The following LAMA2 variants were observed in gnomAD, a reference collection of about 807,000 sequenced individuals.
LAMA2 encodes laminin subunit alpha 2.
A neutral mutation model predicts 364.8 loss-of-function variants in LAMA2; 269 were observed. That is an observed-to-expected ratio of 0.74 (90% CI 0.67 to 0.82). LAMA2 has a LOEUF of 0.82. Ranked by LOEUF, LAMA2 falls within the 40% of genes least tolerant of loss-of-function variation. The pLI, the probability that LAMA2 is intolerant of heterozygous loss-of-function variation, is 0.00. For synonymous variants in LAMA2, 1,379 were observed against 1,370.6 expected, an observed-to-expected ratio of 1.01 and a Z score of -0.14; for missense variants, 3,807 against 3,873.2, an observed-to-expected ratio of 0.98 and a Z score of 0.45.
chr6:129,243,323 T>C (rs1447677701), intron 12 of LAMA2, among the ~76,000 whole-genome samples: 3 of 152,136 alleles, frequency 2.0e-5, no homozygotes, highest in Admixed American at 1.3e-4. Flanking sequence ...GAGAAATTCA[T>C]GTTGGCCTCT....
At chr6:129,158,902 A>T in intron 8 of LAMA2, 2 of 1,608,272 alleles carry the variant, frequency 1.2e-6, no homozygotes, top group Non-Finnish European at 1.7e-6. Context: ...TGCATGTGTT[A>T]TTAATAGCAT....
intron 10 of LAMA2, among the ~76,000 whole-genome samples, chr6:129,184,468 C>T (rs902667592): frequency 1.3e-5 from 2 of 151,868 alleles, no homozygotes; most frequent in Non-Finnish European, 2.9e-5. Context: ...TTTGATGAGG[C>T]CTCATCGTTG....
At chr6:129,044,083 G>A (rs1453551619) in intron 1 of LAMA2, among the ~76,000 whole-genome samples, 1 of 152,024 alleles carries the variant, frequency 6.6e-6, no homozygotes, top group Non-Finnish European at 1.5e-5. Context: ...CCATTCTGGA[G>A]CTCATCCAGT....
At chr6:129,499,166 C>T (rs1360528041) in intron 58 of LAMA2, among the ~76,000 whole-genome samples, 1 of 152,154 alleles carries the variant, frequency 6.6e-6, no homozygotes, top group African/African-American at 2.4e-5. Flanking sequence ...TTTCATATCC[C>T]ATTTTCCCCA....
At chr6:129,042,967 A>G (rs761329352) in intron 1 of LAMA2, among the ~76,000 whole-genome samples, 22 of 152,164 alleles carry the variant, frequency 1.4e-4, no homozygotes, top group Non-Finnish European at 2.8e-4. Context: ...AAAAACTTCT[A>G]TGAACATTTT....
At chr6:129,294,280 A>ATTCCTCTTG (rs1789933751) in intron 20 of LAMA2, among the ~76,000 whole-genome samples, 2 of 152,198 alleles carry the variant, frequency 1.3e-5, no homozygotes, top group Non-Finnish European at 2.9e-5. Context: ...AGCCTGAGAG[A>ATTCCTCTTG]AGGATACTCT....
chr6:128,902,693 T>TTAA (rs1777164949), intron 1 of LAMA2, among the ~76,000 whole-genome samples: 2 of 152,108 alleles, frequency 1.3e-5, no homozygotes, highest in Admixed American at 1.3e-4. Flanking sequence ...TTGTTGTTGT[T>TTAA]TTTAGAGACA....
chr6:129,079,141 A>G (rs1407956631), intron 3 of LAMA2, among the ~76,000 whole-genome samples: 3 of 152,136 alleles, frequency 2.0e-5, no homozygotes, highest in Non-Finnish European at 4.4e-5. Flanking sequence ...ATGGGCTTCA[A>G]TCTTTAAGGT....
chr6:129,413,183 A>AT (rs988214580), intron 40 of LAMA2, among the ~76,000 whole-genome samples: 3 of 152,098 alleles, frequency 2.0e-5, no homozygotes, highest in African/African-American at 7.2e-5. Context: ...AAAGACTTTA[A>AT]TTTTTTTAAA....
At chr6:129,134,099 C>T (rs987304112) in intron 4 of LAMA2, among the ~76,000 whole-genome samples, 1 of 152,126 alleles carries the variant, frequency 6.6e-6, no homozygotes, top group African/African-American at 2.4e-5. Context: ...GAAAATGTTG[C>T]TTAAGTTTTC....
chr6:129,092,286 T>C lies in LAMA2; in HGVS notation c.397-5887T>C, dbSNP rs575791980. The stretch of plus-strand genomic sequence containing the variant: ...GTCACAGGGGAAGAGCTGATAATTG[T>C]ATTGGCTATATGTATCAACTCAAAC... On this transcript the variant is annotated intron_variant, in intron 3 of 64. Coordinates refer to ENST00000421865, the MANE Select transcript of LAMA2 (RefSeq NM_000426.4). 1.4e-4 allele frequency among the ~76,000 whole-genome samples: 22 copies of C among 152,316 alleles called. 1 individual carries two copies. The highest frequency in any genetic ancestry group is 4.8e-4 in the African/African-American group (20 of 41,566).
At chr6:129,020,672 G>T (rs1441286159) in intron 1 of LAMA2, among the ~76,000 whole-genome samples, 5 of 152,188 alleles carry the variant, frequency 3.3e-5, no homozygotes, top group Admixed American at 3.3e-4. Flanking sequence ...CCTCTCCTGA[G>T]ATAGGATTTA....
chr6:128,965,172 A>ATG (rs1781759141), intron 1 of LAMA2, among the ~76,000 whole-genome samples: 1 of 152,118 alleles, frequency 6.6e-6, no homozygotes, highest in South Asian at 2.1e-4. Flanking sequence ...AAATATATAT[A>ATG]TTTTGGTAAA....
intron 8 of LAMA2, among the ~76,000 whole-genome samples, chr6:129,162,678 CTA>C (rs1030592579): frequency 6.6e-6 from 1 of 151,320 alleles, no homozygotes; most frequent in African/African-American, 2.4e-5. Context: ...TTTCTTTGTT[CTA>C]TATATATATA....
chr6:129,468,770 C>A (rs1783666954), intron 51 of LAMA2, among the ~76,000 whole-genome samples: 2 of 151,894 alleles, frequency 1.3e-5, no homozygotes, highest in African/African-American at 4.8e-5. Flanking sequence ...TTATTAAATA[C>A]CAACTATGCA....
chr6:129,284,087 A>G (rs751849780), intron 18 of LAMA2, among the ~76,000 whole-genome samples: 3 of 152,120 alleles, frequency 2.0e-5, no homozygotes, highest in Non-Finnish European at 4.4e-5. Context: ...ATATGTCTAG[A>G]AAGGACAATT....
intron 1 of LAMA2, among the ~76,000 whole-genome samples, chr6:129,045,003 T>C (rs74791983): frequency 0.015 from 2,359 of 152,270 alleles, 73 homozygotes; most frequent in African/African-American, 0.054. Context: ...TTGCAATCTA[T>C]AATAAGACAT....
chr6:128,910,676 G>C (rs1371083395), intron 1 of LAMA2, among the ~76,000 whole-genome samples: 1 of 152,218 alleles, frequency 6.6e-6, no homozygotes, highest in Non-Finnish European at 1.5e-5. Flanking sequence ...TCTGTTGTTG[G>C]TGAGGAACTG....
intron 3 of LAMA2, among the ~76,000 whole-genome samples, chr6:129,095,638 C>G (rs1030413022): frequency 6.6e-6 from 1 of 151,336 alleles, no homozygotes; most frequent in African/African-American, 2.4e-5. Context: ...TGGCCGGGCA[C>G]GGTGGCTCAT....
Sources: allele counts gnomAD v4.1 joint callset (sites outside exome capture counted in the v4.1 genomes callset), GRCh38; gene constraint gnomAD v4.1.1; transcripts MANE v1.5; gene names NCBI Gene and HGNC (gene_info 2026-07-23, HGNC 2026-07-21).